Variants in PTPRN2 observed in about 807,000 individuals in gnomAD.
The protein encoded by PTPRN2 is protein tyrosine phosphatase receptor type N2.
A neutral mutation model predicts 118.8 loss-of-function variants in PTPRN2; 74 were observed. The observed-to-expected ratio is 0.62, with a 90% confidence interval of 0.52 to 0.76. The LOEUF is 0.76. Among genes scored for constraint, PTPRN2 ranks in the 30% least tolerant of loss-of-function variants. The probability of loss-of-function intolerance (pLI) is 0.00; values close to 1 mark genes in which losing one functional copy is unlikely to be tolerated. For missense variants in PTPRN2, 1,481 were observed against 1,394.4 expected, an observed-to-expected ratio of 1.06 and a Z score of -0.99; for synonymous variants, 641 against 608.0, an observed-to-expected ratio of 1.05 and a Z score of -0.80.
rs183955930 is a variant in PTPRN2 at position 157,803,226 on chromosome 7, A to G, written c.1788+95447T>C. ...GTGATCCACCCACCTTTGCCTCCCA[A>G]AGTGCTGGGATTATAGGTGTGAGCC... On this transcript the variant is annotated intron_variant, in intron 12 of 22. Transcript: ENST00000389418. Among the ~76,000 whole-genome samples, 520 of 152,280 alleles carry G rather than the reference A, an allele frequency of 3.4e-3. 2 individuals carry two copies. The highest frequency in any genetic ancestry group is 0.012 in the African/African-American group (490 of 41,550).
chr7:157,741,443 C>A (rs1800628059), intron 12 of PTPRN2, among the ~76,000 whole-genome samples: 1 of 151,874 alleles, frequency 6.6e-6, no homozygotes, highest in East Asian at 1.9e-4. Flanking sequence ...GCACCTAGAG[C>A]CCCATCATCC....
In PTPRN2 at chr7:158,517,956, C is replaced by A. The variant is rs1443855546; in HGVS notation, c.113-28171G>T. 1.3e-5 allele frequency among the ~76,000 whole-genome samples: 2 copies of A among 152,216 alleles called. No homozygotes were observed. The highest frequency in any genetic ancestry group is 2.9e-5 in the Non-Finnish European group (2 of 68,038). On this transcript the variant is annotated intron_variant, in intron 1 of 22. Coordinates refer to ENST00000389418, the MANE Select transcript of PTPRN2 (RefSeq NM_002847.5). This position sits in a 1 kb window ranked among gnomAD's most constrained non-coding sequence, Gnocchi z 5.3. ...CAGGTACCAAGTTGCACCTTGCTTCCTCCAAGAGGGCTCCCTAATTCCTGA... is the reference window on the plus strand; with the variant it reads ...CAGGTACCAAGTTGCACCTTGCTTCATCCAAGAGGGCTCCCTAATTCCTGA...
chr7:157,639,591 T>A (rs983609768), intron 14 of PTPRN2, among the ~76,000 whole-genome samples: 37 of 152,052 alleles, frequency 2.4e-4, no homozygotes, highest in African/African-American at 8.5e-4. Context: ...AAGGAGAAAG[T>A]GAAACTGGAA....
chr7:157,853,689 C>T (rs999109077), intron 12 of PTPRN2, among the ~76,000 whole-genome samples: 4 of 152,158 alleles, frequency 2.6e-5, no homozygotes, highest in Non-Finnish European at 2.9e-5. Context: ...CCGAGCCACA[C>T]GTGCGGAGAT....
intron 11 of PTPRN2, among the ~76,000 whole-genome samples, chr7:157,939,725 T>C (rs1361369054): frequency 6.6e-6 from 1 of 152,224 alleles, no homozygotes; most frequent in Non-Finnish European, 1.5e-5. Context: ...TCTTACAACC[T>C]GTGTTAATAC....
chr7:158,008,407 G>A (rs562835340), intron 11 of PTPRN2, among the ~76,000 whole-genome samples: 13 of 152,336 alleles, frequency 8.5e-5, no homozygotes, highest in African/African-American at 2.2e-4. Context: ...GGGGCTCCCC[G>A]CCAGGTCTGT....
In PTPRN2 at chr7:157,842,571, T is replaced by C. The variant is rs187198507; in HGVS notation, c.1788+56102A>G. 4.6e-4 allele frequency among the ~76,000 whole-genome samples: 70 copies of C among 152,126 alleles called. 3 individuals are homozygous for C. The East Asian group carries it at 8.9e-3, about 19-fold the overall frequency. ...CTGGAATTACAGGCAGGCACCACCA[T>C]GCCCAGCTAATTTTTGTATTTTTAG... On this transcript the variant is annotated intron_variant, in intron 12 of 22. Coordinates refer to ENST00000389418, the MANE Select transcript of PTPRN2 (RefSeq NM_002847.5).
intron 13 of PTPRN2, among the ~76,000 whole-genome samples, chr7:157,662,379 G>C (rs563994731): frequency 1.6e-4 from 25 of 152,346 alleles, no homozygotes; most frequent in African/African-American, 5.8e-4. Flanking sequence ...AGGAACACCA[G>C]GCTGAGCCAG....
intron 12 of PTPRN2, among the ~76,000 whole-genome samples, chr7:157,745,166 A>G (rs1800848140): frequency 6.6e-6 from 1 of 152,114 alleles, no homozygotes; most frequent in South Asian, 2.1e-4. Flanking sequence ...GGAAGAAATG[A>G]GGATGAAAGA....
intron 9 of PTPRN2, among the ~76,000 whole-genome samples, chr7:158,128,562 T>C (rs972135113): frequency 1.3e-5 from 2 of 152,120 alleles, no homozygotes; most frequent in Non-Finnish European, 2.9e-5. Flanking sequence ...AGACAGGAAA[T>C]GACCCAATGT....
intron 3 of PTPRN2, among the ~76,000 whole-genome samples, chr7:158,206,613 A>G (rs1386181554): frequency 6.6e-6 from 1 of 151,952 alleles, no homozygotes; most frequent in Non-Finnish European, 1.5e-5. Context: ...CGGAGAATGT[A>G]AGAGAAAAAA....
intron 3 of PTPRN2, among the ~76,000 whole-genome samples, chr7:158,278,660 T>TC (rs1799203069): frequency 6.6e-6 from 1 of 152,094 alleles, no homozygotes; most frequent in South Asian, 2.1e-4. Flanking sequence ...CCGCGGACCC[T>TC]CGCGGTGAGT....
At chr7:157,941,732 A>G (rs1313259752) in intron 11 of PTPRN2, among the ~76,000 whole-genome samples, 1 of 152,106 alleles carries the variant, frequency 6.6e-6, no homozygotes, top group African/African-American at 2.4e-5. Flanking sequence ...CACACTCCCT[A>G]TGCTGGGCTC....
In PTPRN2 at chr7:157,550,875, C is replaced by T. The variant is rs961933939; in HGVS notation, c.2903-1856G>A. ...TTGGGTCTCCAAAGGCCTAAAAAGT[C>T]GACAAGGCTACAGTAAATACAATCT... On this transcript the variant is annotated intron_variant, in intron 21 of 22. Coordinates refer to ENST00000389418, the MANE Select transcript of PTPRN2 (RefSeq NM_002847.5). This position sits in a 1 kb window ranked among gnomAD's most constrained non-coding sequence, Gnocchi z 5.2. 1.2e-4 allele frequency among the ~76,000 whole-genome samples: 18 copies of T among 152,268 alleles called. No individual in the cohort carries two copies. Among genetic ancestry groups the T allele is most frequent in the East Asian group, 5.8e-4 (3 of 5,182 alleles).
intron 2 of PTPRN2, among the ~76,000 whole-genome samples, chr7:158,321,091 G>A (rs985412325): frequency 3.3e-5 from 5 of 151,960 alleles, no homozygotes; most frequent in African/African-American, 7.3e-5. Flanking sequence ...CATCAGGTGC[G>A]ATGAGACTCC....
intron 11 of PTPRN2, among the ~76,000 whole-genome samples, chr7:157,970,033 GC>G (rs1165082195): frequency 3.3e-5 from 5 of 152,032 alleles, no homozygotes; most frequent in Non-Finnish European, 5.9e-5. Context: ...CACTGGGCTG[GC>G]CTGGGGAAAT....
At chr7:157,934,839 G>A (rs1585043731) in intron 11 of PTPRN2, among the ~76,000 whole-genome samples, 1 of 152,202 alleles carries the variant, frequency 6.6e-6, no homozygotes, top group African/African-American at 2.4e-5. Flanking sequence ...GTACAGTGCA[G>A]GTCTAACATG....
chr7:158,122,260 G>A (rs1817233290), intron 9 of PTPRN2, among the ~76,000 whole-genome samples: 7 of 152,164 alleles, frequency 4.6e-5, no homozygotes, highest in Admixed American at 3.9e-4. Flanking sequence ...AAGGACAGTG[G>A]CAAGTTTGTG....
chr7:158,106,706 G>A (rs1815716445), intron 10 of PTPRN2, among the ~76,000 whole-genome samples: 1 of 152,198 alleles, frequency 6.6e-6, no homozygotes, highest in Non-Finnish European at 1.5e-5. Context: ...GAAGGTGATA[G>A]AGTGCCTGTT....
Sources: allele counts gnomAD v4.1 joint callset (sites outside exome capture counted in the v4.1 genomes callset), GRCh38; gene constraint gnomAD v4.1.1; non-coding constraint Gnocchi (gnomAD v3.1); transcripts MANE v1.5; gene names NCBI Gene and HGNC (gene_info 2026-07-23, HGNC 2026-07-21).